Variants in PCDHGA9 observed in about 807,000 individuals in gnomAD.
PCDHGA9 encodes protocadherin gamma-A9.
In PCDHGA9, 37 loss-of-function variants were observed where a neutral mutation model predicts 62.5. The ratio of observed to expected loss-of-function variants is 0.59; its 90% CI spans 0.46 to 0.78. The LOEUF (loss-of-function observed/expected upper bound fraction) is 0.78. PCDHGA9 is among the 30% of genes least tolerant of loss of function. The probability of loss-of-function intolerance (pLI) is 0.00; values close to 1 mark genes in which losing one functional copy is unlikely to be tolerated. For missense variants in PCDHGA9, 1,138 were observed against 1,166.2 expected (o/e 0.98, Z 0.35); for synonymous variants, 459 against 484.6 (o/e 0.95, Z 0.69).
chr5:141,437,444 G>A (rs957088733), intron 1 of PCDHGA9, among the ~76,000 whole-genome samples: 26 of 152,212 alleles, frequency 1.7e-4, no homozygotes, highest in Admixed American at 2.0e-4. Context: ...GCATAGGAAT[G>A]TTGAGGAGAC....
At position 141,476,321 on chromosome 5, in the gene PCDHGA9, G is replaced by A; in HGVS notation, c.2425-18486G>A. 1 of 1,614,196 alleles carries A rather than the reference G, an allele frequency of 6.2e-7. No homozygotes were observed. The highest frequency in any genetic ancestry group is 1.3e-5 in the African/African-American group (1 of 75,054). ...CCTCTCAGCCCGCAGGTTCCGGGTG[G>A]TGTCTGGAGCTAGCCGAAGATTCTT... On this transcript the variant is annotated intron_variant, in intron 1 of 3. Coordinates refer to ENST00000573521, the MANE Select transcript of PCDHGA9 (RefSeq NM_018921.3). The surrounding 1 kb of genome is among the most constrained non-coding windows in gnomAD (Gnocchi z 7.6).
chr5:141,413,328 C>G, intron 1 of PCDHGA9: 1 of 1,614,004 alleles, frequency 6.2e-7, no homozygotes, highest in Non-Finnish European at 8.5e-7. Context: ...TCGTGGGCAA[C>G]ATCTCCAAGG....
In PCDHGA9 at chr5:141,493,356, C is replaced by G. The variant is rs1303319550; in HGVS notation, c.2425-1451C>G. On this transcript the variant is annotated intron_variant, in intron 1 of 3. Transcript: ENST00000573521. The surrounding 1 kb of genome is among the most constrained non-coding windows in gnomAD (Gnocchi z 4.3). ...ACTCCAGAATGTGTGCTTTTAATTT[C>G]TTGGCACTTGGAACTTTAAAAGCTT... Among the ~76,000 whole-genome samples the G allele has an allele frequency of 6.6e-6, 1 of 152,182 alleles. No individual in the cohort carries two copies. The highest frequency in any genetic ancestry group is 1.5e-5 in the Non-Finnish European group (1 of 68,032).
chr5:141,462,122 C>T (rs1437400069), intron 1 of PCDHGA9, among the ~76,000 whole-genome samples: 1 of 152,044 alleles, frequency 6.6e-6, no homozygotes, highest in South Asian at 2.1e-4. Context: ...TGCACCCAGT[C>T]CAATTTTTTG....
At chr5:141,495,020 C>G in intron 2 of PCDHGA9, 155 bp downstream of exon 2, 1 of 976,790 alleles carries the variant, frequency 1.0e-6, no homozygotes, top group Non-Finnish European at 1.2e-6. Context: ...GGCTGGCACA[C>G]AGACCCCGGA....
chr5:141,455,860 ATTAT>A (rs145569377), intron 1 of PCDHGA9, among the ~76,000 whole-genome samples: 54,169 of 139,612 alleles, frequency 0.39, 10,686 homozygotes, highest in Admixed American at 0.44. Context: ...AATTTCTTTT[ATTAT>A]TTATTTATTT....
intron 1 of PCDHGA9, chr5:141,408,692 ATAAAC>A: frequency 1.2e-6 from 2 of 1,613,906 alleles, no homozygotes; most frequent in Non-Finnish European, 1.7e-6. Flanking sequence ...TGATATAAAC[ATAAAC>A]TCAATTAAAG....
chr5:141,447,329 G>A (rs1328071539), intron 1 of PCDHGA9, among the ~76,000 whole-genome samples: 6 of 151,732 alleles, frequency 4.0e-5, no homozygotes, highest in Admixed American at 1.3e-4. Context: ...TAGTAGAGAC[G>A]GGTTTCATCA....
intron 1 of PCDHGA9, chr5:141,415,641 TAAA>T: frequency 7.8e-7 from 1 of 1,280,840 alleles, no homozygotes; most frequent in African/African-American, 1.5e-5. Context: ...TTACTTTTGT[TAAA>T]AAAAAAAAGA....
intron 1 of PCDHGA9, chr5:141,420,985 C>T (rs1371634966): frequency 4.1e-6 from 2 of 487,950 alleles, no homozygotes; most frequent in African/African-American, 4.0e-5. Flanking sequence ...GGGCTCTAGG[C>T]GCCGCTGCTC....
At chr5:141,492,068 G>A in intron 1 of PCDHGA9, 1 of 479,628 alleles carries the variant, frequency 2.1e-6, no homozygotes, top group Non-Finnish European at 3.7e-6. Flanking sequence ...AGCCTCCTAG[G>A]CGCCGGCTCC....
chr5:141,439,669 A>T (rs983024479), intron 1 of PCDHGA9, among the ~76,000 whole-genome samples: 4 of 152,174 alleles, frequency 2.6e-5, no homozygotes, highest in Non-Finnish European at 5.9e-5. Context: ...ATGGAATGCA[A>T]ATCCAAGAGC....
Position 141,489,161 on chromosome 5 carries a change from A to T in PCDHGA9, c.2425-5646A>T. ...GCTGGAAGGAGACATAAGAGACTTC[A>T]GCTGCTGCATTCCAAGCCCTGGGTC... On this transcript the variant is annotated intron_variant, in intron 1 of 3. Coordinates refer to ENST00000573521, the MANE Select transcript of PCDHGA9 (RefSeq NM_018921.3). The surrounding 1 kb of genome is among the most constrained non-coding windows in gnomAD (Gnocchi z 4.5). 1.9e-6 allele frequency: 2 copies of T among 1,040,278 alleles called. No individual in the cohort carries two copies. The highest frequency in any genetic ancestry group is 2.8e-6 in the Non-Finnish European group (2 of 709,676). 64.4% of individuals were successfully genotyped at this position (1,040,278 alleles called of 1,614,324 possible).
At chr5:141,409,617 C>A (rs2095293168) in intron 1 of PCDHGA9, 1 of 1,613,748 alleles carries the variant, frequency 6.2e-7, no homozygotes, top group South Asian at 1.1e-5. Context: ...GCCTCCATTG[C>A]GCAAGTGAGC....
chr5:141,489,246 G>A lies in PCDHGA9; in HGVS notation c.2425-5561G>A, dbSNP rs141115698. On this transcript the variant is annotated intron_variant, in intron 1 of 3. Coordinates refer to ENST00000573521, the MANE Select transcript of PCDHGA9 (RefSeq NM_018921.3). The surrounding 1 kb of genome is among the most constrained non-coding windows in gnomAD (Gnocchi z 4.5). Reference sequence around the variant, plus strand: ...CACAAAGGGACTTCTGGGTCATGGGGCCCAAGACACTCCCACAGCTCGCTG... The same window carrying A: ...CACAAAGGGACTTCTGGGTCATGGGACCCAAGACACTCCCACAGCTCGCTG... 750 of 1,544,746 alleles carry A rather than the reference G, an allele frequency of 4.9e-4. No homozygotes were observed. The highest frequency in any genetic ancestry group is 6.3e-4 in the Non-Finnish European group (726 of 1,145,538).
At chr5:141,509,650 T>C (rs1484029268) in intron 3 of PCDHGA9, among the ~76,000 whole-genome samples, 1 of 152,188 alleles carries the variant, frequency 6.6e-6, no homozygotes, top group African/African-American at 2.4e-5. Context: ...GGCCAGAGTG[T>C]GGACTTCTCT....
intron 1 of PCDHGA9, chr5:141,416,489 G>A (rs2096031582): frequency 1.3e-5 from 2 of 152,158 alleles, no homozygotes; most frequent in Admixed American, 1.3e-4. Context: ...GAGAACAGGA[G>A]CAAGAGATAT....
rs117623972 is a variant in PCDHGA9 at position 141,503,322 on chromosome 5, C to T, written c.2484-2071C>T. On this transcript the variant is annotated intron_variant, in intron 2 of 3. Transcript: ENST00000573521. Reference sequence around the variant, plus strand: ...GCTCAAGAAAGAATTGTTGGAGGGGCGCGGTGGCTCACGCCTGTAATTCCA... The same window carrying T: ...GCTCAAGAAAGAATTGTTGGAGGGGTGCGGTGGCTCACGCCTGTAATTCCA... Among the ~76,000 whole-genome samples, 216 of 152,126 alleles carry T rather than the reference C, an allele frequency of 1.4e-3. 8 individuals carry two copies. In the East Asian group the frequency reaches 0.038, roughly 27 times the overall value.
chr5:141,417,004 AT>A (rs1462550813), intron 1 of PCDHGA9: 1 of 149,888 alleles, frequency 6.7e-6, no homozygotes, highest in African/African-American at 2.5e-5. Context: ...ATCTCAAATA[AT>A]TCTATTATTT....
Sources: allele counts gnomAD v4.1 joint callset (sites outside exome capture counted in the v4.1 genomes callset), GRCh38; gene constraint gnomAD v4.1.1; non-coding constraint Gnocchi (gnomAD v3.1); transcripts MANE v1.5; gene names NCBI Gene and HGNC (gene_info 2026-07-23, HGNC 2026-07-21).